The following COL4A6 variants were observed in gnomAD, a reference collection of about 807,000 sequenced individuals.
COL4A6 encodes the protein collagen alpha-6(IV) chain.
COL4A6 carries 59 observed loss-of-function variants against 126.7 expected under a neutral mutation model. The ratio of observed to expected loss-of-function variants is 0.47; its 90% confidence interval spans 0.38 to 0.58. The LOEUF (loss-of-function observed/expected upper bound fraction) is 0.58. COL4A6 is among the 20% of genes least tolerant of loss of function. COL4A6 has a pLI of 0.00. For synonymous variants in COL4A6, 547 were observed against 496.6 expected, an observed-to-expected ratio of 1.10 and a Z score of -1.35; for missense variants, 1,285 against 1,337.3, an observed-to-expected ratio of 0.96 and a Z score of 0.61.
chrX:108,210,619 C>G (rs1423920429), intron 7 of COL4A6, among the ~76,000 whole-genome samples: 3 of 112,170 alleles, frequency 2.7e-5, no homozygotes, highest in Non-Finnish European at 3.8e-5. Context: ...TTGACACCTG[C>G]TAGTCTTACT....
At chrX:108,425,385 AGGATTTT>A (rs2064058142) in intron 2 of COL4A6, among the ~76,000 whole-genome samples, 7 of 111,297 alleles carry the variant, frequency 6.3e-5, no homozygotes, top group African/African-American at 2.3e-4. Context: ...CTATTACATC[AGGATTTT>A]CTCAACATTC....
At chrX:108,311,108 C>G (rs1481096798) in intron 2 of COL4A6, among the ~76,000 whole-genome samples, 1 of 112,165 alleles carries the variant, frequency 8.9e-6, no homozygotes, top group Non-Finnish European at 1.9e-5. Flanking sequence ...AATATCTTTA[C>G]TTGGGGGCTG....
At chrX:108,207,310 C>T (rs1350488302) in intron 8 of COL4A6, among the ~76,000 whole-genome samples, 1 of 98,317 alleles carries the variant, frequency 1.0e-5, no homozygotes, top group East Asian at 3.2e-4. Flanking sequence ...GGGAACAACA[C>T]ACATTGGGGC....
intron 2 of COL4A6, among the ~76,000 whole-genome samples, chrX:108,386,046 A>G (rs2040682872): frequency 9.0e-6 from 1 of 111,354 alleles, no homozygotes; most frequent in Non-Finnish European, 1.9e-5. Context: ...AAGGACATGA[A>G]CTCATGCTTT....
At chrX:108,428,226 T>A (rs1179831035) in intron 2 of COL4A6, among the ~76,000 whole-genome samples, 5 of 112,163 alleles carry the variant, frequency 4.5e-5, no homozygotes, top group Non-Finnish European at 7.5e-5. Flanking sequence ...CCAATTTGTG[T>A]TAGGCCGCAT....
chrX:108,383,725 G>C (rs1333601348), intron 2 of COL4A6: 2 of 511,906 alleles, frequency 3.9e-6, no homozygotes, highest in Admixed American at 5.4e-5. Flanking sequence ...GAGATATAAG[G>C]TATCAGTCAC....
intron 2 of COL4A6, among the ~76,000 whole-genome samples, chrX:108,356,902 C>T (rs1198775805): frequency 9.6e-6 from 1 of 104,549 alleles, no homozygotes; most frequent in African/African-American, 3.8e-5. Flanking sequence ...CACATTTCAT[C>T]TGAAAAAAAA....
At chrX:108,253,759 C>T (rs1348763547) in intron 3 of COL4A6, among the ~76,000 whole-genome samples, 1 of 111,763 alleles carries the variant, frequency 8.9e-6, no homozygotes, top group Non-Finnish European at 1.9e-5. Flanking sequence ...TATCCATAAC[C>T]CCTAGTTCTT....
chrX:108,404,264 C>T (rs1344043423), intron 2 of COL4A6, among the ~76,000 whole-genome samples: 1 of 111,710 alleles, frequency 9.0e-6, no homozygotes, highest in African/African-American at 3.2e-5. Context: ...ATATACAAAT[C>T]CTATTAATCT....
intron 3 of COL4A6, among the ~76,000 whole-genome samples, chrX:108,238,657 G>A (rs1038094737): frequency 4.6e-5 from 5 of 108,424 alleles, no homozygotes; most frequent in Non-Finnish European, 7.6e-5. Context: ...ATGATTCTGT[G>A]AAAAACATCC....
intron 3 of COL4A6, among the ~76,000 whole-genome samples, chrX:108,289,358 C>G (rs1338440884): frequency 9.2e-6 from 1 of 108,911 alleles, no homozygotes; most frequent in Non-Finnish European, 1.9e-5. Context: ...ATCTGCAACT[C>G]ACTCTCAAAT....
At chrX:108,268,044 T>C (rs2037356618) in intron 3 of COL4A6, 1 of 111,975 alleles carries the variant, frequency 8.9e-6, no homozygotes, top group Non-Finnish European at 1.9e-5. Context: ...GATCAACTTG[T>C]TGTGTGGAAG....
At chrX:108,246,138 A>T (rs760488895) in intron 3 of COL4A6, among the ~76,000 whole-genome samples, 141 of 111,711 alleles carry the variant, frequency 1.3e-3, no homozygotes, top group African/African-American at 4.3e-3. Flanking sequence ...ATAGAGTCAG[A>T]TTTGGGTTGG....
chrX:108,195,123 G>A lies in COL4A6; in HGVS notation c.907C>T (p.Pro303Ser). ...GIPGLPGPRG[P>S]MGSEGVQGPP... ...CCTTGGACTCCTTCTGAACCCATGG[G>A]ACCCTGTAAAGAAAATAGTTACACC... The change falls in exon 15 of 45, where the codon CCC becomes TCC. Residue 303 changes from proline (P) to serine (S), a missense_variant. Physicochemically the swap from Pro to Ser is moderately conservative, Grantham distance 74 (BLOSUM62 -1). Transcript: ENST00000334504. 1.7e-6 allele frequency: 2 copies of A among 1,202,763 alleles called. No individual in the cohort carries two copies. Among genetic ancestry groups the A allele is most frequent in the Non-Finnish European group, 2.2e-6 (2 of 889,498 alleles).
At chrX:108,321,396 TC>T (rs768468834) in intron 2 of COL4A6, among the ~76,000 whole-genome samples, 15 of 111,017 alleles carry the variant, frequency 1.4e-4, no homozygotes, top group Non-Finnish European at 2.6e-4. Flanking sequence ...TGCCACTAGT[TC>T]CAGGAATTGG....
chrX:108,371,348 TAA>T (rs1156893361), intron 2 of COL4A6, among the ~76,000 whole-genome samples: 1 of 109,496 alleles, frequency 9.1e-6, no homozygotes, highest in Non-Finnish European at 1.9e-5. Context: ...AAACAAAAAT[TAA>T]AAGTCTCCCA....
chrX:108,269,246 C>T, intron 3 of COL4A6: 1 of 308,717 alleles, frequency 3.2e-6, no homozygotes, highest in Non-Finnish European at 6.2e-6. Context: ...GGACATTTGT[C>T]TAGAAGGTTC....
chrX:108,281,659 T>C (rs1216387758), intron 3 of COL4A6, among the ~76,000 whole-genome samples: 1 of 111,120 alleles, frequency 9.0e-6, no homozygotes, highest in Non-Finnish European at 1.9e-5. Flanking sequence ...AAAGTTCATA[T>C]GGAACCAAAA....
At chrX:108,270,305 G>A (rs1227703099) in intron 3 of COL4A6, among the ~76,000 whole-genome samples, 7 of 112,478 alleles carry the variant, frequency 6.2e-5, no homozygotes, top group East Asian at 2.8e-4. Context: ...ATTGACTCTG[G>A]GTTCAATCAT....
Sources: allele counts gnomAD v4.1 joint callset (sites outside exome capture counted in the v4.1 genomes callset), GRCh38; gene constraint gnomAD v4.1.1; transcripts MANE v1.5; gene names NCBI Gene and HGNC (gene_info 2026-07-23, HGNC 2026-07-21).